The following CELF2 variants were observed in gnomAD, a reference collection of about 807,000 sequenced individuals.
The protein encoded by CELF2 is CUG triplet repeat RNA-binding protein 2.
Under a neutral mutation model 62.6 loss-of-function variants are expected in CELF2, and 8 were observed. That is an observed-to-expected ratio of 0.13 (90% CI 0.07 to 0.23). CELF2 has a LOEUF of 0.23. Ranked by LOEUF, CELF2 falls within the 10% of genes least tolerant of loss-of-function variation. The pLI, the probability that CELF2 is intolerant of heterozygous loss-of-function variation, is 1.00. For missense variants in CELF2, 333 were observed against 671.0 expected, an observed-to-expected ratio of 0.50 and a Z score of 5.56; for synonymous variants, 258 against 250.0, an observed-to-expected ratio of 1.03 and a Z score of -0.30.
chr10:10,581,920 C>T, the CELF2 span, among the ~76,000 whole-genome samples: 4 of 152,126 alleles, frequency 2.6e-5, no homozygotes, highest in East Asian at 5.8e-4. Flanking sequence ...CCCAGCTACT[C>T]AGGAAGCTGA....
chr10:11,190,247 A>T (rs2075981664), intron 2 of CELF2, among the ~76,000 whole-genome samples: 1 of 152,224 alleles, frequency 6.6e-6, no homozygotes, highest in South Asian at 2.1e-4. Flanking sequence ...TAGGCAATCC[A>T]TACATGCCCA....
At position 11,331,515 on chromosome 10, in the gene CELF2, T is replaced by TC. The variant is rs1203558748; in HGVS notation, c.*2464dup. ...TATAGTGCCAAATTCCAAAGGTACT[T>TC]CCTTCCTAGAGCTTCAGTGTGTTTC... On this transcript the variant is annotated 3_prime_UTR_variant, in exon 13 of 13. Coordinates refer to ENST00000633077, the MANE Select transcript of CELF2 (RefSeq NM_001326342.2). 2 of 152,398 alleles carry TC rather than the reference T, an allele frequency of 1.3e-5. No homozygotes were observed. The highest frequency in any genetic ancestry group is 3.9e-4 in the East Asian group (2 of 5,188). The allele number at this position is 152,398 out of a possible 1,614,324, so 9.4% of individuals were successfully genotyped here. A position where few individuals can be genotyped will look rare whatever the true frequency, so the allele number is the denominator to read the frequency against.
intron 3 of CELF2, 138 bp from the exon 4 acceptor site, chr10:11,249,015 A>G (rs1322637667): frequency 4.5e-6 from 3 of 665,946 alleles, no homozygotes; most frequent in Non-Finnish European, 8.1e-6. Context: ...TTTTTAACAT[A>G]GTTAATAGTA....
At chr10:11,087,305 G>T (rs745707836) in intron 1 of CELF2, among the ~76,000 whole-genome samples, 7 of 152,218 alleles carry the variant, frequency 4.6e-5, no homozygotes, top group Non-Finnish European at 1.5e-5. Context: ...TTGGGATGGG[G>T]TGTGGATGAT....
intron 1 of CELF2, among the ~76,000 whole-genome samples, chr10:10,900,828 TA>T (rs1197070184): frequency 6.6e-6 from 1 of 152,166 alleles, no homozygotes; most frequent in Non-Finnish European, 1.5e-5. Flanking sequence ...GAAAATTGAA[TA>T]AAATCTTAAT....
intron 8 of CELF2, among the ~76,000 whole-genome samples, chr10:11,275,606 A>G (rs1400156619): frequency 1.3e-5 from 2 of 152,192 alleles, no homozygotes; most frequent in Non-Finnish European, 2.9e-5. Context: ...ACGACAGACA[A>G]TTAACAGGGT....
intron 2 of CELF2, among the ~76,000 whole-genome samples, chr10:10,942,674 T>C (rs1261158340): frequency 2.6e-5 from 4 of 152,182 alleles, no homozygotes; most frequent in African/African-American, 9.7e-5. Context: ...AAAGGAGGGA[T>C]TATACAAAGA....
intron 1 of CELF2, among the ~76,000 whole-genome samples, chr10:11,025,667 C>T (rs1459462074): frequency 4.6e-5 from 7 of 152,290 alleles, no homozygotes; most frequent in Admixed American, 2.6e-4. Flanking sequence ...CATAGGTCTT[C>T]GCTTTCTTAA....
the CELF2 span, among the ~76,000 whole-genome samples, chr10:10,484,699 A>G: frequency 6.6e-6 from 1 of 152,054 alleles, no homozygotes; most frequent in African/African-American, 2.4e-5. Flanking sequence ...GGAGCTGGTC[A>G]TGTGTGCACA....
chr10:11,282,250 G>T (rs145283357), intron 8 of CELF2, among the ~76,000 whole-genome samples: 3 of 152,312 alleles, frequency 2.0e-5, no homozygotes, highest in African/African-American at 7.2e-5. Context: ...GGAGAAGGAA[G>T]AGGTCAGAAC....
intron 1 of CELF2, among the ~76,000 whole-genome samples, chr10:10,820,747 C>T (rs1427672290): frequency 6.6e-6 from 1 of 152,142 alleles, no homozygotes; most frequent in African/African-American, 2.4e-5. Flanking sequence ...CCAGCGAGGA[C>T]AGGAATGAGG....
the CELF2 span, among the ~76,000 whole-genome samples, chr10:10,619,146 A>G: frequency 6.6e-6 from 1 of 152,166 alleles, no homozygotes; most frequent in Non-Finnish European, 1.5e-5. Context: ...GCATTTACCT[A>G]TGCAAGCTTC....
At chr10:10,579,187 G>A in the CELF2 span, among the ~76,000 whole-genome samples, 1 of 152,168 alleles carries the variant, frequency 6.6e-6, no homozygotes, top group African/African-American at 2.4e-5. Flanking sequence ...TGATTTCTTG[G>A]AACTTCCAAA....
At chr10:10,686,322 T>C in the CELF2 span, among the ~76,000 whole-genome samples, 1 of 33,378 alleles carries the variant, frequency 3.0e-5, no homozygotes, top group Non-Finnish European at 5.5e-5. Context: ...GGGGGGGGGG[T>C]GGGGTGGGTT....
At chr10:11,299,989 G>A (rs542971972) in intron 9 of CELF2, among the ~76,000 whole-genome samples, 2 of 152,272 alleles carry the variant, frequency 1.3e-5, no homozygotes, top group South Asian at 4.1e-4. Context: ...CCTGTGTACT[G>A]CCTGTATGAA....
chr10:10,748,892 T>C, the CELF2 span, among the ~76,000 whole-genome samples: 139 of 151,838 alleles, frequency 9.2e-4, no homozygotes, highest in African/African-American at 3.2e-3. Flanking sequence ...TGTGGGTGAA[T>C]TGGAAGCAGA....
chr10:10,740,522 G>C, the CELF2 span, among the ~76,000 whole-genome samples: 1 of 152,066 alleles, frequency 6.6e-6, no homozygotes, highest in African/African-American at 2.4e-5. Flanking sequence ...ATTGAAAACA[G>C]AACTGTCATG....
rs1488035800 is a variant in CELF2 at position 11,261,902 on chromosome 10, C to A, written c.538+4030C>A. On this transcript the variant is annotated intron_variant, in intron 5 of 12. Coordinates refer to ENST00000633077, the MANE Select transcript of CELF2 (RefSeq NM_001326342.2). ...AATGTGCTTGATCGACAGCATCACC[C>A]TAGCATGTTGATTTCCTAAAATACA... is the stretch of plus-strand genomic sequence containing the variant. 3.9e-5 allele frequency among the ~76,000 whole-genome samples: 6 copies of A among 152,300 alleles called. No individual in the cohort carries two copies. In the East Asian group the frequency reaches 1.2e-3, roughly 29 times the overall value.
the CELF2 span, among the ~76,000 whole-genome samples, chr10:10,580,677 A>G: frequency 6.6e-6 from 1 of 152,230 alleles, no homozygotes; most frequent in Non-Finnish European, 1.5e-5. Context: ...AATACATAAC[A>G]TAGATTACGA....
Sources: gnomAD v4.1 joint callset for allele counts (sites outside exome capture counted in the v4.1 genomes callset) on GRCh38, gnomAD v4.1.1 for gene constraint, MANE v1.5 for transcripts, NCBI Gene and HGNC (gene_info 2026-07-23, HGNC 2026-07-21) for gene names.